CCDC3: variants seen among roughly 807,000 people sequenced by gnomAD.
CCDC3 encodes the protein coiled-coil domain-containing protein 3.
A neutral mutation model predicts 21.4 loss-of-function variants in CCDC3; 24 were observed. The ratio of observed to expected loss-of-function variants is 1.12; its 90% CI spans 0.81 to 1.58. The LOEUF is 1.58. CCDC3 is among the 40% of genes most tolerant of loss of function. The pLI, the probability that CCDC3 is intolerant of heterozygous loss-of-function variation, is 0.00. For synonymous variants in CCDC3, 186 were observed against 166.0 expected (o/e 1.12, Z -0.93); for missense variants, 425 against 360.9 (o/e 1.18, Z -1.44).
At chr10:13,089,415 C>T (rs896623221) in intron 3 of CCDC3, among the ~76,000 whole-genome samples, 2 of 152,072 alleles carry the variant, frequency 1.3e-5, no homozygotes, top group African/African-American at 4.8e-5. Flanking sequence ...GGACTATTGT[C>T]CCATCACTTG....
At chr10:12,909,026 G>A (rs117127588) in intron 2 of CCDC3, among the ~76,000 whole-genome samples, 102 of 152,306 alleles carry the variant, frequency 6.7e-4, no homozygotes, top group Admixed American at 1.6e-3. Context: ...ATGGGGCTCT[G>A]GTCTAGATGC....
chr10:12,945,435 T>C (rs1340761093), intron 2 of CCDC3, among the ~76,000 whole-genome samples: 1 of 151,614 alleles, frequency 6.6e-6, no homozygotes, highest in African/African-American at 2.4e-5. Flanking sequence ...AAACCCCGAA[T>C]GGATATAAGA....
intron 2 of CCDC3, among the ~76,000 whole-genome samples, chr10:12,931,048 T>C (rs971172883): frequency 1.3e-5 from 2 of 151,768 alleles, no homozygotes; most frequent in Admixed American, 6.6e-5. Context: ...CCGTGTCTAC[T>C]AAAAATACAA....
intron 2 of CCDC3, among the ~76,000 whole-genome samples, chr10:12,935,955 A>C (rs561742019): frequency 6.6e-6 from 1 of 152,374 alleles, no homozygotes; most frequent in Non-Finnish European, 1.5e-5. Context: ...CTTTCTAAGC[A>C]TCTACTTTTA....
At chr10:12,945,738 T>A (rs182723997) in intron 2 of CCDC3, among the ~76,000 whole-genome samples, 1 of 152,348 alleles carries the variant, frequency 6.6e-6, no homozygotes, top group East Asian at 1.9e-4. Context: ...CCGTGCTTCA[T>A]GTTGTCTTTG....
intron 2 of CCDC3, among the ~76,000 whole-genome samples, chr10:12,981,177 A>AT (rs59193619): frequency 0.093 from 9,763 of 105,390 alleles, 1,116 homozygotes; most frequent in African/African-American, 0.24. Flanking sequence ...CTGGCCCAGG[A>AT]TTTTTTTTTT....
intron 2 of CCDC3, among the ~76,000 whole-genome samples, chr10:12,994,173 G>A (rs1462126800): frequency 6.6e-6 from 1 of 152,176 alleles, no homozygotes; most frequent in African/African-American, 2.4e-5. Flanking sequence ...CAAGGCAGGA[G>A]GGTCACTTGA....
At chr10:12,898,831 CG>C (rs1171819461) in intron 2 of CCDC3, 152 bp from the exon 3 acceptor site, 99 of 911,798 alleles carry the variant, frequency 1.1e-4, no homozygotes, top group Non-Finnish European at 1.5e-4. Flanking sequence ...ATGTCCTTGA[CG>C]GTGACATTCC....
rs1454330198 is a variant in CCDC3 at position 13,001,302 on chromosome 10, A to C, written c.269T>G (p.Met90Arg). Residue 90 changes from methionine to arginine, a missense_variant, in exon 1 of 3, where the codon ATG (methionine) becomes AGG (arginine). Coordinates refer to ENST00000378825, the MANE Select transcript of CCDC3 (RefSeq NM_031455.4). ...CCTGGAGCCGGCGGGCACCTCCAGCATGCTGCCCCACGCCTGGTCGCACAG... is the reference window on the plus strand; with the variant it reads ...CCTGGAGCCGGCGGGCACCTCCAGCCTGCTGCCCCACGCCTGGTCGCACAG... ...EMLCDQAWGS[M>R]LEVPAGSRLN... 3.5e-5 allele frequency: 56 copies of C among 1,606,370 alleles called. No homozygotes were observed. In the East Asian group the frequency reaches 1.2e-3, roughly 35 times the overall value.
At chr10:13,063,940 G>T (rs1034220158) in intron 4 of CCDC3, among the ~76,000 whole-genome samples, 10 of 147,980 alleles carry the variant, frequency 6.8e-5, no homozygotes, top group African/African-American at 2.5e-4. Flanking sequence ...TGATGTTGTT[G>T]TTTTTTGAGA....
intron 2 of CCDC3, among the ~76,000 whole-genome samples, chr10:12,946,034 ATCCTCC>A (rs551276279): frequency 4.6e-5 from 7 of 152,354 alleles, no homozygotes; most frequent in African/African-American, 1.4e-4. Context: ...TGTTAGTACT[ATCCTCC>A]TGATACGTCA....
At chr10:13,081,268 G>A (rs572551008) in intron 3 of CCDC3, among the ~76,000 whole-genome samples, 81 of 151,862 alleles carry the variant, frequency 5.3e-4, no homozygotes, top group African/African-American at 1.9e-3. Context: ...TTATATACTT[G>A]GTTTATCTTC....
At chr10:12,934,006 G>A (rs934709990) in intron 2 of CCDC3, among the ~76,000 whole-genome samples, 3 of 151,232 alleles carry the variant, frequency 2.0e-5, no homozygotes, top group Non-Finnish European at 4.4e-5. Flanking sequence ...TCTTTTTGTT[G>A]TAGTTTCCAA....
chr10:12,980,090 G>A lies in CCDC3; in HGVS notation c.549+18248C>T, dbSNP rs140292811. 5.4e-4 allele frequency among the ~76,000 whole-genome samples: 82 copies of A among 152,218 alleles called. 2 individuals carry two copies. In the East Asian group the frequency reaches 0.015, roughly 28 times the overall value. ...AAAGGGTTCGACTAGGCAATCTCCC[G>A]GGTCCCTTTCAGTCCTGACATTCTT... On this transcript the variant is annotated intron_variant, in intron 2 of 2. Coordinates refer to ENST00000378825, the MANE Select transcript of CCDC3 (RefSeq NM_031455.4).
intron 2 of CCDC3, among the ~76,000 whole-genome samples, chr10:12,946,520 T>G (rs1719076276): frequency 6.6e-6 from 1 of 152,142 alleles, no homozygotes; most frequent in Admixed American, 6.5e-5. Flanking sequence ...AATGCCCAAC[T>G]GTGGCTAATC....
chr10:12,899,162 G>A (rs1184062111), intron 2 of CCDC3, among the ~76,000 whole-genome samples: 4 of 152,090 alleles, frequency 2.6e-5, no homozygotes, highest in Non-Finnish European at 4.4e-5. Context: ...GACTCTCTTT[G>A]CTCCCTTTAG....
upstream of CCDC3, chr10:13,099,885 C>T (rs1832696712): frequency 2.6e-5 from 4 of 152,098 alleles, no homozygotes; most frequent in South Asian, 6.2e-4. Context: ...TTTTGATTAA[C>T]GCCGTCACAG....
intron 5 of CCDC3, among the ~76,000 whole-genome samples, chr10:13,047,094 G>A (rs1452497814): frequency 1.3e-5 from 2 of 152,192 alleles, no homozygotes; most frequent in Admixed American, 6.5e-5. Flanking sequence ...AGAGGAGACA[G>A]AACAGAGAGA....
At chr10:12,938,992 C>T (rs1834779862) in intron 2 of CCDC3, among the ~76,000 whole-genome samples, 1 of 151,756 alleles carries the variant, frequency 6.6e-6, no homozygotes, top group Admixed American at 6.6e-5. Context: ...AACTCTAGCT[C>T]CACTATCTTC....
Sources: gnomAD v4.1 joint callset for allele counts (sites outside exome capture counted in the v4.1 genomes callset) on GRCh38, gnomAD v4.1.1 for gene constraint, MANE v1.5 for transcripts, NCBI Gene and HGNC (gene_info 2026-07-23, HGNC 2026-07-21) for gene names.